Variants in EXOC6B observed in about 807,000 individuals in gnomAD.
EXOC6B encodes SEC15 homolog B.
A neutral mutation model predicts 113.5 loss-of-function variants in EXOC6B; 54 were observed. The ratio of observed to expected loss-of-function variants is 0.48; its 90% CI spans 0.38 to 0.60. The LOEUF (loss-of-function observed/expected upper bound fraction) is 0.60, where lower values mean the gene tolerates loss of function less well. EXOC6B is among the 20% of genes least tolerant of loss of function. The probability of loss-of-function intolerance (pLI) is 0.00; values close to 1 mark genes in which losing one functional copy is unlikely to be tolerated. For synonymous variants in EXOC6B, 357 were observed against 339.0 expected, an observed-to-expected ratio of 1.05 and a Z score of -0.58; for missense variants, 797 against 977.5, an observed-to-expected ratio of 0.82 and a Z score of 2.46.
chr2:72,393,490 T>A (rs1286918639), intron 18 of EXOC6B, among the ~76,000 whole-genome samples: 1 of 152,138 alleles, frequency 6.6e-6, no homozygotes, highest in Non-Finnish European at 1.5e-5. Context: ...AAAACATTGA[T>A]CCCTTCTTTC....
At chr2:72,258,638 G>A (rs61037557) in intron 20 of EXOC6B, among the ~76,000 whole-genome samples, 35,751 of 151,766 alleles carry the variant, frequency 0.24, 7,414 homozygotes, top group African/African-American at 0.57. Flanking sequence ...TCAAAGTGCT[G>A]GGATTACAGG....
At chr2:72,383,954 A>G (rs560262670) in intron 18 of EXOC6B, among the ~76,000 whole-genome samples, 1 of 152,254 alleles carries the variant, frequency 6.6e-6, no homozygotes, top group African/African-American at 2.4e-5. Context: ...TAAAAAGAAC[A>G]CATGGTCACA....
chr2:72,301,699 T>C (rs1686544023), intron 20 of EXOC6B, among the ~76,000 whole-genome samples: 1 of 152,180 alleles, frequency 6.6e-6, no homozygotes, highest in South Asian at 2.1e-4. Context: ...AACATCCCCT[T>C]TGTTGTTTCC....
At chr2:72,388,691 T>A in intron 18 of EXOC6B, among the ~76,000 whole-genome samples, 1 of 152,174 alleles carries the variant, frequency 6.6e-6, no homozygotes, top group East Asian at 1.9e-4. Context: ...TGTCTATTCA[T>A]CTTTTCAGTT....
At chr2:72,347,565 C>T (rs1445532195) in intron 19 of EXOC6B, among the ~76,000 whole-genome samples, 2 of 151,864 alleles carry the variant, frequency 1.3e-5, no homozygotes, top group South Asian at 2.1e-4. Flanking sequence ...CTAGAAGACA[C>T]ATTACAAAAA....
chr2:72,797,276 G>C (rs1685017295), intron 1 of EXOC6B, among the ~76,000 whole-genome samples: 1 of 152,186 alleles, frequency 6.6e-6, no homozygotes, highest in Non-Finnish European at 1.5e-5. Context: ...CTCAGTTTTT[G>C]CTATATCTCT....
intron 20 of EXOC6B, among the ~76,000 whole-genome samples, chr2:72,283,146 T>C (rs1238600204): frequency 2.0e-5 from 3 of 152,092 alleles, no homozygotes; most frequent in Non-Finnish European, 4.4e-5. Flanking sequence ...AAATATACCA[T>C]ATGCTAAGCC....
intron 18 of EXOC6B, among the ~76,000 whole-genome samples, chr2:72,396,216 C>A (rs1363324720): frequency 6.6e-6 from 1 of 152,090 alleles, no homozygotes; most frequent in East Asian, 1.9e-4. Context: ...CCACTCTCTT[C>A]TTCACTGCTT....
intron 20 of EXOC6B, among the ~76,000 whole-genome samples, chr2:72,245,764 G>T (rs1682614047): frequency 6.6e-6 from 1 of 152,036 alleles, no homozygotes; most frequent in South Asian, 2.1e-4. Flanking sequence ...ACAATACAAA[G>T]AACAGACCAT....
intron 1 of EXOC6B, among the ~76,000 whole-genome samples, chr2:72,764,912 C>T (rs1340712949): frequency 6.6e-6 from 1 of 152,130 alleles, no homozygotes; most frequent in African/African-American, 2.4e-5. Context: ...ATCCCTTTGC[C>T]TGTAAATCTC....
intron 6 of EXOC6B, among the ~76,000 whole-genome samples, chr2:72,671,775 G>GAAAGAAAGAAAGAA (rs1553464004): frequency 9.2e-5 from 9 of 98,170 alleles, no homozygotes; most frequent in African/African-American, 4.0e-4. Flanking sequence ...AAGAAAGAAA[G>GAAAGAAAGAAAGAA]AAAGAAAGAA....
At chr2:72,666,095 G>A (rs1336249267) in intron 6 of EXOC6B, among the ~76,000 whole-genome samples, 1 of 152,114 alleles carries the variant, frequency 6.6e-6, no homozygotes, top group Non-Finnish European at 1.5e-5. Flanking sequence ...GGACAAAGAT[G>A]GGTATTACAT....
At chr2:72,444,719 G>A (rs1558672427) in intron 18 of EXOC6B, among the ~76,000 whole-genome samples, 1 of 152,214 alleles carries the variant, frequency 6.6e-6, no homozygotes, top group African/African-American at 2.4e-5. Flanking sequence ...CTGTAGCTTG[G>A]CCAGTTTTAT....
intron 11 of EXOC6B, among the ~76,000 whole-genome samples, chr2:72,507,349 A>C (rs570929798): frequency 6.6e-6 from 1 of 152,090 alleles, no homozygotes; most frequent in Non-Finnish European, 1.5e-5. Context: ...CAATGAGTAA[A>C]TCTGTGTTAA....
chr2:72,642,187 C>T (rs1673299673), intron 6 of EXOC6B, among the ~76,000 whole-genome samples: 1 of 151,638 alleles, frequency 6.6e-6, no homozygotes, highest in Non-Finnish European at 1.5e-5. Flanking sequence ...GGCCATACTG[C>T]CCAAGGTAAT....
At chr2:72,489,215 C>T (rs1699602258) in intron 16 of EXOC6B, among the ~76,000 whole-genome samples, 1 of 152,158 alleles carries the variant, frequency 6.6e-6, no homozygotes, top group Non-Finnish European at 1.5e-5. Flanking sequence ...AACCATACTA[C>T]AAAATTGACT....
chr2:72,353,821 T>C (rs1269757249), intron 19 of EXOC6B, among the ~76,000 whole-genome samples: 2 of 152,174 alleles, frequency 1.3e-5, no homozygotes, highest in African/African-American at 4.8e-5. Flanking sequence ...CAGGGTCAAG[T>C]GATATGAAAA....
At chr2:72,366,707 T>C (rs1690646102) in intron 19 of EXOC6B, among the ~76,000 whole-genome samples, 1 of 151,702 alleles carries the variant, frequency 6.6e-6, no homozygotes, top group African/African-American at 2.4e-5. Context: ...ACATAATTTG[T>C]ACAAAGGAAC....
chr2:72,528,037 T>C (rs1440164799), intron 8 of EXOC6B, among the ~76,000 whole-genome samples: 1 of 152,068 alleles, frequency 6.6e-6, no homozygotes, highest in African/African-American at 2.4e-5. Context: ...GTAAAAGTGT[T>C]TAATTTTGAT....
Sources: allele counts gnomAD v4.1 joint callset (sites outside exome capture counted in the v4.1 genomes callset), GRCh38; gene constraint gnomAD v4.1.1; transcripts MANE v1.5; gene names NCBI Gene and HGNC (gene_info 2026-07-23, HGNC 2026-07-21).